Variants in SUGCT observed in about 807,000 individuals in gnomAD.
The protein encoded by SUGCT is succinyl-CoA:glutarate CoA-transferase.
SUGCT carries 41 observed loss-of-function variants against 55.0 expected under a neutral mutation model. That is an observed-to-expected ratio of 0.74 (90% confidence interval 0.58 to 0.97). SUGCT has a LOEUF of 0.97. SUGCT is among the 50% of genes least tolerant of loss of function. SUGCT has a pLI of 0.00. For missense variants in SUGCT, 568 were observed against 547.8 expected (o/e 1.04, Z -0.37); for synonymous variants, 187 against 200.4 (o/e 0.93, Z 0.56).
chr7:40,639,934 A>G (rs1422105735), intron 12 of SUGCT, among the ~76,000 whole-genome samples: 1 of 152,184 alleles, frequency 6.6e-6, no homozygotes, highest in Non-Finnish European at 1.5e-5. Flanking sequence ...TTTTAAAGTC[A>G]TCTTTCTCTG....
chr7:40,386,128 A>G (rs993569157), intron 9 of SUGCT, among the ~76,000 whole-genome samples: 5 of 152,180 alleles, frequency 3.3e-5, no homozygotes, highest in Non-Finnish European at 5.9e-5. Flanking sequence ...GCAATCTGGA[A>G]AGCCATCTTA....
chr7:40,939,363 C>G, the SUGCT span, among the ~76,000 whole-genome samples: 1 of 152,170 alleles, frequency 6.6e-6, no homozygotes, highest in South Asian at 2.1e-4. Context: ...GTGTAGAATT[C>G]AAGATGAGAT....
the SUGCT span, among the ~76,000 whole-genome samples, chr7:40,972,803 A>C: frequency 1.3e-5 from 2 of 152,180 alleles, no homozygotes; most frequent in Non-Finnish European, 2.9e-5. Context: ...CCTTGGGATA[A>C]TTTCAAAGGA....
chr7:40,645,197 C>T (rs1800443817), intron 12 of SUGCT, among the ~76,000 whole-genome samples: 1 of 152,214 alleles, frequency 6.6e-6, no homozygotes, highest in Non-Finnish European at 1.5e-5. Context: ...TCCACACCTT[C>T]CGTCCTTTTG....
chr7:40,263,690 G>A (rs1009394145), intron 7 of SUGCT, among the ~76,000 whole-genome samples: 2 of 152,156 alleles, frequency 1.3e-5, no homozygotes, highest in African/African-American at 2.4e-5. Flanking sequence ...TTTTAGTATA[G>A]TATTACAAAG....
At chr7:40,568,552 C>T (rs1796270071) in intron 12 of SUGCT, among the ~76,000 whole-genome samples, 1 of 152,176 alleles carries the variant, frequency 6.6e-6, no homozygotes, top group Non-Finnish European at 1.5e-5. Flanking sequence ...TGGGACAGAG[C>T]TTCCAAATAT....
chr7:40,705,823 C>A (rs540251350), intron 12 of SUGCT, among the ~76,000 whole-genome samples: 2 of 152,096 alleles, frequency 1.3e-5, no homozygotes, highest in Admixed American at 6.5e-5. Context: ...TGCACCCTGG[C>A]GGCTCCTTTC....
chr7:40,300,783 A>T (rs904774290), intron 8 of SUGCT, among the ~76,000 whole-genome samples: 4 of 152,132 alleles, frequency 2.6e-5, no homozygotes, highest in African/African-American at 9.7e-5. Flanking sequence ...TCTGACTGTA[A>T]TGTAAGTTAG....
intron 12 of SUGCT, 50 bp downstream of exon 12, chr7:40,496,436 T>C: frequency 8.2e-7 from 1 of 1,225,482 alleles, no homozygotes; most frequent in East Asian, 2.4e-5. Flanking sequence ...CAGATTGACT[T>C]ATATCAAGGT....
intron 12 of SUGCT, among the ~76,000 whole-genome samples, chr7:40,527,812 C>A (rs1793883841): frequency 1.3e-5 from 2 of 152,154 alleles, no homozygotes; most frequent in South Asian, 4.1e-4. Context: ...ATGATCAGGT[C>A]ATTAGAAACA....
chr7:40,410,017 T>C (rs1786586515), intron 9 of SUGCT, among the ~76,000 whole-genome samples: 1 of 152,172 alleles, frequency 6.6e-6, no homozygotes, highest in African/African-American at 2.4e-5. Flanking sequence ...TTTACATCTT[T>C]TGGGTGCTGT....
intron 12 of SUGCT, among the ~76,000 whole-genome samples, chr7:40,679,389 G>A (rs1784144943): frequency 6.6e-6 from 1 of 151,958 alleles, no homozygotes; most frequent in Non-Finnish European, 1.5e-5. Flanking sequence ...CAGCTCAAAG[G>A]TGTACATTAA....
intron 13 of SUGCT, among the ~76,000 whole-genome samples, chr7:40,784,187 CAGGT>C (rs1789900635): frequency 6.6e-6 from 1 of 152,034 alleles, no homozygotes; most frequent in African/African-American, 2.4e-5. Flanking sequence ...CAAAGAGAAG[CAGGT>C]AGTTTGGAGC....
the SUGCT span, among the ~76,000 whole-genome samples, chr7:40,929,303 T>G: frequency 6.6e-6 from 1 of 152,218 alleles, no homozygotes; most frequent in Non-Finnish European, 1.5e-5. Flanking sequence ...TGTGCCACAT[T>G]TTCTTAATCC....
chr7:40,171,701 AGCAGTTGCCATTACTGATT>A (rs1429299253), intron 1 of SUGCT, among the ~76,000 whole-genome samples: 2 of 152,222 alleles, frequency 1.3e-5, no homozygotes, highest in Non-Finnish European at 2.9e-5. Flanking sequence ...TGCTAAGCAA[AGCAGTTGCCATTACTGATT>A]GAATGCATTT....
intron 6 of SUGCT, among the ~76,000 whole-genome samples, chr7:40,208,547 G>A (rs778563873): frequency 6.6e-6 from 1 of 151,852 alleles, no homozygotes; most frequent in Admixed American, 6.6e-5. Context: ...TCTTGTTCAA[G>A]AATAAATTGA....
chr7:40,422,161 G>T (rs1163312327), intron 9 of SUGCT, among the ~76,000 whole-genome samples: 1 of 139,838 alleles, frequency 7.2e-6, no homozygotes, highest in Non-Finnish European at 1.5e-5. Context: ...TCTTAAATTT[G>T]TAATATAAGC....
chr7:41,019,557 A>T, the SUGCT span, among the ~76,000 whole-genome samples: 1 of 152,202 alleles, frequency 6.6e-6, no homozygotes, highest in Non-Finnish European at 1.5e-5. Flanking sequence ...TTATTACAAG[A>T]TTGGTCTGAA....
intron 12 of SUGCT, among the ~76,000 whole-genome samples, chr7:40,563,721 T>G (rs763689257): frequency 6.6e-6 from 1 of 150,970 alleles, no homozygotes; most frequent in Non-Finnish European, 1.5e-5. Flanking sequence ...CTAATGATAA[T>G]AATAATAATA....
Sources: allele counts gnomAD v4.1 joint callset (sites outside exome capture counted in the v4.1 genomes callset), GRCh38; gene constraint gnomAD v4.1.1; transcripts MANE v1.5; gene names NCBI Gene and HGNC (gene_info 2026-07-23, HGNC 2026-07-21).